The following MFAP5 variants were observed in gnomAD, a reference collection of about 807,000 sequenced individuals.
MFAP5 encodes the protein microfibril associated protein 5.
MFAP5 carries 19 observed loss-of-function variants against 30.1 expected under a neutral mutation model. That is an observed-to-expected ratio of 0.63 (90% CI 0.44 to 0.93). The LOEUF (loss-of-function observed/expected upper bound fraction) is 0.93. Ranked by LOEUF, MFAP5 falls within the 40% of genes least tolerant of loss-of-function variation. The pLI is 0.00. For synonymous variants in MFAP5, 92 were observed against 72.9 expected (o/e 1.26, Z -1.33); for missense variants, 210 against 221.3 (o/e 0.95, Z 0.32).
chr12:8,650,866 C>T (rs1941818804), intron 7 of MFAP5, among the ~76,000 whole-genome samples: 1 of 152,050 alleles, frequency 6.6e-6, no homozygotes, highest in Non-Finnish European at 1.5e-5. Context: ...TAGAATTGTC[C>T]GTTATGAAAT....
chr12:8,662,152 C>G, intron 1 of MFAP5, 46 bp from the exon 2 acceptor site: 1 of 1,546,776 alleles, frequency 6.5e-7, no homozygotes, highest in Non-Finnish European at 8.9e-7. Context: ...CTCAGAGGCA[C>G]ATCAGCATTT....
At chr12:8,655,058 G>A (rs965457065) in intron 5 of MFAP5, among the ~76,000 whole-genome samples, 2 of 151,952 alleles carry the variant, frequency 1.3e-5, no homozygotes, top group Non-Finnish European at 2.9e-5. Context: ...CACTTTGGGA[G>A]GCTGAGGCCA....
intron 7 of MFAP5, 70 bp from the exon 8 acceptor site, chr12:8,650,659 T>G: frequency 1.6e-6 from 2 of 1,254,656 alleles, no homozygotes; most frequent in Non-Finnish European, 2.3e-6. Flanking sequence ...ATTGAAGGAA[T>G]TGGGAAGGAT....
chr12:8,651,417 G>T (rs769798900), intron 7 of MFAP5, among the ~76,000 whole-genome samples: 2 of 152,224 alleles, frequency 1.3e-5, no homozygotes, highest in Admixed American at 1.3e-4. Flanking sequence ...TAATGTGCAA[G>T]GGTACTTTAG....
chr12:8,648,308 G>A (rs1941740065), intron 9 of MFAP5, 105 bp from the exon 10 acceptor site: 1 of 1,039,850 alleles, frequency 9.6e-7, no homozygotes, highest in East Asian at 2.7e-5. Flanking sequence ...TGAAAAGGTT[G>A]GAGAGAAAAA....
rs1282448386 is a variant in MFAP5 at position 8,648,128 on chromosome 12, C to T, written c.485G>A (p.Cys162Tyr). The change falls in exon 10 of 10, where the codon TGT becomes TAT. Residue 162 changes from cysteine to tyrosine, a missense_variant. Physicochemically the swap from Cys to Tyr is radical, Grantham distance 194. Transcript: ENST00000359478. ...GGGTCTCTGCAAATCCACATTTTCA[C>T]AGGGAGGAAGTCGGAAGTAATTGGA... ...RRSNYFRLPP[C>Y]ENVDLQRPNG... 6.2e-7 allele frequency: 1 copy of T among 1,613,988 alleles called. No individual in the cohort carries two copies. Among genetic ancestry groups the T allele is most frequent in the African/African-American group, 1.3e-5 (1 of 75,016 alleles).
At chr12:8,658,360 T>G (rs1298096539) in intron 3 of MFAP5, among the ~76,000 whole-genome samples, 1 of 152,082 alleles carries the variant, frequency 6.6e-6, no homozygotes, top group African/African-American at 2.4e-5. Context: ...AAAAAATTCA[T>G]CAGGCTTGAC....
In MFAP5 at chr12:8,655,761, A is replaced by C. The variant is rs774701202; in HGVS notation, c.139+25T>G. 1.0e-5 allele frequency: 16 copies of C among 1,603,628 alleles called. No homozygotes were observed. In the South Asian group the frequency reaches 1.2e-4, roughly 12 times the overall value. On this transcript the variant is annotated intron_variant, in intron 4 of 9. Coordinates refer to ENST00000359478, the MANE Select transcript of MFAP5 (RefSeq NM_003480.4). ...CTATCCCCAATAAAACAGCAAACAA[A>C]CAAACAAACAAAAGTGTAGCTTACT...
chr12:8,657,017 CTTA>C (rs1416465774), intron 3 of MFAP5, among the ~76,000 whole-genome samples: 7 of 151,912 alleles, frequency 4.6e-5, no homozygotes, highest in Non-Finnish European at 2.9e-5. Flanking sequence ...TTCAGGTGCT[CTTA>C]TTATACACAT....
chr12:8,654,190 G>A (rs886925029), intron 6 of MFAP5: 14 of 389,860 alleles, frequency 3.6e-5, no homozygotes, highest in Middle Eastern at 1.4e-3. Context: ...CCTCCAAAAC[G>A]TGTTTATACT....
At chr12:8,657,658 C>G (rs55763524) in intron 3 of MFAP5, among the ~76,000 whole-genome samples, 2 of 150,534 alleles carry the variant, frequency 1.3e-5, no homozygotes, top group Admixed American at 6.6e-5. Flanking sequence ...CTGCAACCTC[C>G]GCCTCCCAGG....
intron 6 of MFAP5, chr12:8,651,915 C>T (rs1941848709): frequency 1.9e-6 from 1 of 539,916 alleles, no homozygotes; most frequent in African/African-American, 1.9e-5. Flanking sequence ...TTTCTCCTTT[C>T]CTTTCTAAAG....
At chr12:8,656,517 C>T (rs12811017) in intron 3 of MFAP5, among the ~76,000 whole-genome samples, 8 of 146,270 alleles carry the variant, frequency 5.5e-5, no homozygotes, top group African/African-American at 7.7e-5. Context: ...AAGCAATTTT[C>T]GTACCTCAGC....
rs1555139703 is a variant in MFAP5, at chr12:8,656,668, A to AT, written c.95-839dup. Among the ~76,000 whole-genome samples the AT allele has an allele frequency of 7.3e-3, 865 of 118,772 alleles. 16 individuals are homozygous for AT. The highest frequency in any genetic ancestry group is 0.015 in the African/African-American group (434 of 28,302). 77.9% of individuals were successfully genotyped at this position (118,772 alleles called of 152,430 possible). On this transcript the variant is annotated intron_variant, in intron 3 of 9. Transcript: ENST00000359478. ...CACACACATATATATATATATATAT[A>AT]TTTTTTTTTTTTGAGACAGAGTCTG...
At chr12:8,660,790 A>C in intron 3 of MFAP5, 73 bp downstream of exon 3, 1 of 1,294,196 alleles carries the variant, frequency 7.7e-7, no homozygotes, top group Non-Finnish European at 1.1e-6. Context: ...AGCAGGAAGG[A>C]TTTTTTAACT....
intron 2 of MFAP5, among the ~76,000 whole-genome samples, chr12:8,661,587 A>C (rs1033046705): frequency 6.7e-6 from 1 of 149,498 alleles, no homozygotes; most frequent in African/African-American, 2.5e-5. Context: ...AACTCATCTC[A>C]CTATGTTGCC....
intron 8 of MFAP5, among the ~76,000 whole-genome samples, chr12:8,649,784 T>G (rs1230647292): frequency 6.6e-6 from 1 of 152,230 alleles, no homozygotes; most frequent in African/African-American, 2.4e-5. Context: ...CTTCTGTTTT[T>G]TAAATTTTAT....
At chr12:8,660,761 T>C in intron 3 of MFAP5, 102 bp downstream of exon 3, 1 of 942,740 alleles carries the variant, frequency 1.1e-6, no homozygotes. Context: ...TTTTTTTTTT[T>C]TTTTGGCAGC....
chr12:8,655,444 A>T lies in MFAP5; in HGVS notation c.143T>A (p.Leu48Gln). The T allele has an allele frequency of 6.2e-7, 1 of 1,607,926 alleles. No homozygotes were observed. Among genetic ancestry groups the T allele is most frequent in the Non-Finnish European group, 8.5e-7 (1 of 1,177,892 alleles). ...TTCATCTGTAGCGGGATCATTCACC[A>T]GATCTGCAAAGACACATAACAAGGA... The part of the protein sequence containing the change: ...TPETFTEDPN[L>Q]VNDPATDETV... Residue 48 changes from leucine to glutamine, a missense_variant, in exon 5 of 10, where the codon CTG becomes CAG. Transcript: ENST00000359478.
Sources: allele counts gnomAD v4.1 joint callset (sites outside exome capture counted in the v4.1 genomes callset), GRCh38; gene constraint gnomAD v4.1.1; transcripts MANE v1.5; gene names NCBI Gene and HGNC (gene_info 2026-07-23, HGNC 2026-07-21).